CADPS2: variants seen among roughly 807,000 people sequenced by gnomAD.
CADPS2 encodes the protein calcium dependent secretion activator 2.
A neutral mutation model predicts 172.5 loss-of-function variants in CADPS2; 93 were observed. That is an observed-to-expected ratio of 0.54 (90% CI 0.46 to 0.64). The LOEUF is 0.64. CADPS2 is among the 30% of genes least tolerant of loss of function. The pLI, the probability that CADPS2 is intolerant of heterozygous loss-of-function variation, is 0.00. For synonymous variants in CADPS2, 546 were observed against 555.2 expected (o/e 0.98, Z 0.23); for missense variants, 1,420 against 1,565.9 (o/e 0.91, Z 1.57).
chr7:122,591,201 C>G lies in CADPS2; in HGVS notation c.1224-9911G>C, dbSNP rs912275064. Reference sequence around the variant, plus strand: ...TTCCTATACACCAATAACAGACAAACAGAGAGCCAAATCATGAATGAACTC... The same window carrying G: ...TTCCTATACACCAATAACAGACAAAGAGAGAGCCAAATCATGAATGAACTC... On this transcript the variant is annotated intron_variant, in intron 6 of 29. Transcript: ENST00000449022. 3.9e-5 allele frequency among the ~76,000 whole-genome samples: 6 copies of G among 152,102 alleles called. No individual in the cohort carries two copies. The East Asian group carries it at 1.2e-3, about 30-fold the overall frequency.
At chr7:122,503,835 AGAGT>A (rs1240175096) in intron 9 of CADPS2, among the ~76,000 whole-genome samples, 1 of 152,200 alleles carries the variant, frequency 6.6e-6, no homozygotes, top group Non-Finnish European at 1.5e-5. Flanking sequence ...GCCATCTCAT[AGAGT>A]GAGAATGGAG....
Position 122,650,199 on chromosome 7 carries a change from T to C in CADPS2, c.786+13038A>G, listed in dbSNP as rs1477779796. ...TGCTGGGATTACAGGTGTGAGCTAC[T>C]ACGCCCGGCCAATGAACATTTTTGA... On this transcript the variant is annotated intron_variant, in intron 3 of 29. Transcript: ENST00000449022. 2.6e-5 allele frequency among the ~76,000 whole-genome samples: 4 copies of C among 151,662 alleles called. No individual in the cohort carries two copies. The East Asian group carries it at 7.7e-4, about 29-fold the overall frequency.
intron 6 of CADPS2, among the ~76,000 whole-genome samples, chr7:122,589,467 A>G (rs1358757703): frequency 1.3e-5 from 2 of 151,948 alleles, no homozygotes; most frequent in Non-Finnish European, 2.9e-5. Flanking sequence ...TCTAAGCAGA[A>G]AACAATACTT....
In CADPS2 at chr7:122,702,026, C is replaced by T. The variant is rs201540773; in HGVS notation, c.453+34929G>A. On this transcript the variant is annotated intron_variant, in intron 2 of 29. Transcript: ENST00000449022. ...TTCCTCATCCCCTTCTTTGAGAACTCGCAGTTGAAGCTGGTCAATAGCTTT... is the reference window on the plus strand; with the variant it reads ...TTCCTCATCCCCTTCTTTGAGAACTTGCAGTTGAAGCTGGTCAATAGCTTT... 2.5e-5 allele frequency: 41 copies of T among 1,613,648 alleles called. No individual in the cohort carries two copies. The African/African-American group carries it at 3.6e-4, about 14-fold the overall frequency.
chr7:122,571,956 A>T lies in CADPS2; in HGVS notation c.1335+9223T>A, dbSNP rs190243960. 1.1e-4 allele frequency among the ~76,000 whole-genome samples: 16 copies of T among 152,316 alleles called. No homozygotes were observed. In the East Asian group the frequency reaches 2.5e-3, roughly 24 times the overall value. ...ATTTTTCACAAATAATTACAAAAAA[A>T]TTAATAATCACTTTAGGCCTTTCCT... On this transcript the variant is annotated intron_variant, in intron 7 of 29. Transcript: ENST00000449022.
intron 2 of CADPS2, among the ~76,000 whole-genome samples, chr7:122,731,275 T>C (rs754482322): frequency 2.0e-5 from 3 of 151,600 alleles, no homozygotes; most frequent in Non-Finnish European, 4.4e-5. Flanking sequence ...CTAGCATCCA[T>C]ATTTTGTACA....
At chr7:122,843,735 A>T (rs2140968056) in intron 1 of CADPS2, among the ~76,000 whole-genome samples, 1 of 152,306 alleles carries the variant, frequency 6.6e-6, no homozygotes, top group South Asian at 2.1e-4. Flanking sequence ...AAGAGCTAGA[A>T]AAAAGGAGAG....
chr7:122,433,528 C>T (rs2050245833), intron 17 of CADPS2, among the ~76,000 whole-genome samples: 1 of 151,954 alleles, frequency 6.6e-6, no homozygotes, highest in Admixed American at 6.6e-5. Context: ...CTCAGCCACC[C>T]AAGTAGCTGG....
intron 2 of CADPS2, chr7:122,681,556 G>T (rs1382305542): frequency 4.1e-6 from 6 of 1,481,396 alleles, no homozygotes. Flanking sequence ...GCAATTCACA[G>T]CAAAGTAGTC....
At chr7:122,853,417 C>T (rs534188754) in intron 1 of CADPS2, among the ~76,000 whole-genome samples, 1 of 152,328 alleles carries the variant, frequency 6.6e-6, no homozygotes, top group South Asian at 2.1e-4. Flanking sequence ...TGAGTTCGCA[C>T]CAGGCAGCTC....
intron 14 of CADPS2, among the ~76,000 whole-genome samples, chr7:122,469,132 G>A (rs972015220): frequency 6.6e-6 from 1 of 152,124 alleles, no homozygotes; most frequent in African/African-American, 2.4e-5. Flanking sequence ...AGTAACTATG[G>A]CAACCAGTAG....
chr7:122,468,508 CT>C (rs1427345624), intron 14 of CADPS2, among the ~76,000 whole-genome samples: 1 of 152,148 alleles, frequency 6.6e-6, no homozygotes, highest in Non-Finnish European at 1.5e-5. Context: ...ATACTTTTTA[CT>C]TTTTTCTTCA....
rs942546167 is a variant in CADPS2, at chr7:122,723,820, C to T, written c.453+13135G>A. On this transcript the variant is annotated intron_variant, in intron 2 of 29. Coordinates refer to ENST00000449022, the MANE Select transcript of CADPS2 (RefSeq NM_017954.11). Reference sequence around the variant, plus strand: ...TAGACTGGATTAAGAAAATGTGGCACATATACACCATGGAAGACTATGCAG... The same window carrying T: ...TAGACTGGATTAAGAAAATGTGGCATATATACACCATGGAAGACTATGCAG... Among the ~76,000 whole-genome samples, 64 of 152,080 alleles carry T rather than the reference C, an allele frequency of 4.2e-4. 4 individuals are homozygous for T. Among genetic ancestry groups the T allele is most frequent in the Non-Finnish European group, 1.5e-4 (10 of 68,018 alleles).
chr7:122,628,149 T>C (rs1262741126), intron 4 of CADPS2, among the ~76,000 whole-genome samples: 2 of 152,114 alleles, frequency 1.3e-5, no homozygotes, highest in African/African-American at 2.4e-5. Context: ...ATTATCTACA[T>C]TTTTCTCTAT....
intron 1 of CADPS2, among the ~76,000 whole-genome samples, chr7:122,860,525 G>A (rs1252271245): frequency 6.6e-6 from 1 of 151,928 alleles, no homozygotes; most frequent in Non-Finnish European, 1.5e-5. Flanking sequence ...GAGCCACTGT[G>A]CCCAGCCATA....
chr7:122,677,642 AAACAAC>A (rs747639108), intron 2 of CADPS2, among the ~76,000 whole-genome samples: 1 of 152,118 alleles, frequency 6.6e-6, no homozygotes, highest in Admixed American at 6.5e-5. Flanking sequence ...TCTTAAAGGT[AAACAAC>A]AACAACAACA....
intron 2 of CADPS2, among the ~76,000 whole-genome samples, chr7:122,723,411 A>G (rs1445031760): frequency 2.0e-5 from 3 of 152,228 alleles, no homozygotes; most frequent in Non-Finnish European, 2.9e-5. Context: ...TATGCAGCCA[A>G]AAGACACATG....
rs750895397 is a variant in CADPS2, at chr7:122,698,181, A to T, written c.454-34612T>A. The T allele has an allele frequency of 3.1e-6, 5 of 1,613,846 alleles. No individual in the cohort carries two copies. The East Asian group carries it at 1.1e-4, about 36-fold the overall frequency. On this transcript the variant is annotated intron_variant, in intron 2 of 29. Coordinates refer to ENST00000449022, the MANE Select transcript of CADPS2 (RefSeq NM_017954.11). ...TATCCCCATTTGGATTTATTTCTTC[A>T]TCCCCCTCTTTTACTACTCGAAGTT...
intron 2 of CADPS2, chr7:122,697,596 A>G (rs1169716002): frequency 5.8e-6 from 3 of 514,506 alleles, no homozygotes; most frequent in Non-Finnish European, 1.0e-5. Flanking sequence ...CACTTAGCAA[A>G]GGTCCAAAAT....
Sources: allele counts gnomAD v4.1 joint callset (sites outside exome capture counted in the v4.1 genomes callset), GRCh38; gene constraint gnomAD v4.1.1; transcripts MANE v1.5; gene names NCBI Gene and HGNC (gene_info 2026-07-23, HGNC 2026-07-21).